DLG2: variants seen among roughly 807,000 people sequenced by gnomAD.
DLG2 encodes discs large MAGUK scaffold protein 2.
A neutral mutation model predicts 132.5 loss-of-function variants in DLG2; 45 were observed. The observed-to-expected ratio is 0.34, with a 90% confidence interval of 0.27 to 0.44. DLG2 has a LOEUF of 0.44. DLG2 is among the 20% of genes least tolerant of loss of function. The pLI, the probability that DLG2 is intolerant of heterozygous loss-of-function variation, is 1.00. For missense variants in DLG2, 1,045 were observed against 1,196.9 expected, an observed-to-expected ratio of 0.87 and a Z score of 1.87; for synonymous variants, 424 against 419.6, an observed-to-expected ratio of 1.01 and a Z score of -0.13.
chr11:85,452,053 A>G (rs1348867091), intron 3 of DLG2, among the ~76,000 whole-genome samples: 1 of 152,118 alleles, frequency 6.6e-6, no homozygotes, highest in Non-Finnish European at 1.5e-5. Context: ...TTAAAAGCAA[A>G]TCTTTACTCT....
At chr11:84,286,382 G>A (rs891681796) in intron 7 of DLG2, among the ~76,000 whole-genome samples, 1 of 152,146 alleles carries the variant, frequency 6.6e-6, no homozygotes, top group Admixed American at 6.5e-5. Flanking sequence ...GCTCTCCTGA[G>A]TAAATTTGCT....
chr11:85,527,955 G>A (rs2074905116), intron 3 of DLG2, among the ~76,000 whole-genome samples: 2 of 152,188 alleles, frequency 1.3e-5, no homozygotes, highest in East Asian at 1.9e-4. Context: ...CAGTGATGAT[G>A]AGCTTTTTTG....
At chr11:83,689,191 T>C (rs1463086840) in intron 18 of DLG2, among the ~76,000 whole-genome samples, 1 of 152,116 alleles carries the variant, frequency 6.6e-6, no homozygotes, top group Non-Finnish European at 1.5e-5. Context: ...TCATGAAGGC[T>C]TCTGGAAGGA....
chr11:84,427,070 TCATTTTATAAAAC>T (rs2098969106), intron 7 of DLG2, among the ~76,000 whole-genome samples: 1 of 152,122 alleles, frequency 6.6e-6, no homozygotes, highest in East Asian at 1.9e-4. Flanking sequence ...ACACACCTCC[TCATTTTATAAAAC>T]CAGGGTGACA....
chr11:84,550,536 C>A (rs372471994), intron 6 of DLG2, among the ~76,000 whole-genome samples: 14 of 152,186 alleles, frequency 9.2e-5, no homozygotes, highest in East Asian at 5.8e-4. Context: ...GACTTCAGAA[C>A]CTACCTGTGA....
chr11:83,489,357 T>C (rs1184880122), intron 21 of DLG2, among the ~76,000 whole-genome samples: 1 of 151,962 alleles, frequency 6.6e-6, no homozygotes, highest in Non-Finnish European at 1.5e-5. Context: ...TTCATCTATA[T>C]AAAATTGCAA....
chr11:84,947,321 T>C (rs1392217254), intron 6 of DLG2, among the ~76,000 whole-genome samples: 1 of 152,184 alleles, frequency 6.6e-6, no homozygotes, highest in African/African-American at 2.4e-5. Context: ...CACCACTGCC[T>C]CTTCCCAATA....
chr11:84,128,572 T>C (rs11825984), intron 9 of DLG2, among the ~76,000 whole-genome samples: 2,963 of 152,212 alleles, frequency 0.019, 73 homozygotes, highest in African/African-American at 0.066. Context: ...AATCTAACTG[T>C]TCTAATTTGC....
intron 18 of DLG2, among the ~76,000 whole-genome samples, chr11:83,744,051 G>A (rs537550898): frequency 5.3e-5 from 8 of 152,250 alleles, no homozygotes; most frequent in African/African-American, 1.7e-4. Context: ...TGCCCTAACT[G>A]GATGTGAAAG....
chr11:85,489,989 A>G (rs1159359374), intron 3 of DLG2, among the ~76,000 whole-genome samples: 1 of 152,272 alleles, frequency 6.6e-6, no homozygotes, highest in East Asian at 1.9e-4. Flanking sequence ...GGAGTTCAAG[A>G]CTACCTTGGA....
intron 3 of DLG2, among the ~76,000 whole-genome samples, chr11:85,325,283 G>A (rs1282151392): frequency 3.9e-5 from 6 of 152,352 alleles, no homozygotes; most frequent in East Asian, 1.9e-4. Flanking sequence ...GCTCAAGGAG[G>A]CCTGTCTGCC....
At chr11:83,829,684 A>G (rs900976018) in intron 17 of DLG2, among the ~76,000 whole-genome samples, 10 of 152,068 alleles carry the variant, frequency 6.6e-5, no homozygotes, top group African/African-American at 1.9e-4. Flanking sequence ...TTTTCTCTCA[A>G]TGTTAAGCAA....
chr11:84,178,200 A>C (rs1449483994), intron 8 of DLG2, among the ~76,000 whole-genome samples: 1 of 152,162 alleles, frequency 6.6e-6, no homozygotes, highest in East Asian at 1.9e-4. Context: ...GAATGTGGGA[A>C]AATCCCATGC....
chr11:84,150,464 T>G (rs2095258363), intron 9 of DLG2, among the ~76,000 whole-genome samples: 1 of 152,196 alleles, frequency 6.6e-6, no homozygotes, highest in African/African-American at 2.4e-5. Flanking sequence ...TCTAGGAGCT[T>G]TTTGGTGGAG....
intron 7 of DLG2, among the ~76,000 whole-genome samples, chr11:84,254,850 A>G (rs2097440685): frequency 6.6e-6 from 1 of 152,186 alleles, no homozygotes; most frequent in Non-Finnish European, 1.5e-5. Context: ...AGCCACTGCT[A>G]ACACCTACCT....
chr11:85,013,612 A>T (rs1357209592), intron 6 of DLG2, among the ~76,000 whole-genome samples: 1 of 152,206 alleles, frequency 6.6e-6, no homozygotes, highest in East Asian at 1.9e-4. Context: ...TAAATAATAA[A>T]TAACAGGCAC....
intron 6 of DLG2, among the ~76,000 whole-genome samples, chr11:85,109,834 C>G (rs2072419256): frequency 2.0e-5 from 3 of 152,026 alleles, no homozygotes. Flanking sequence ...CTATGGTATT[C>G]TCTTAGGAGA....
At chr11:84,539,558 G>T (rs922814603) in intron 6 of DLG2, among the ~76,000 whole-genome samples, 1 of 152,174 alleles carries the variant, frequency 6.6e-6, no homozygotes, top group Non-Finnish European at 1.5e-5. Context: ...TTGGTCTGTT[G>T]AAGGGGACTT....
intron 7 of DLG2, among the ~76,000 whole-genome samples, chr11:84,472,708 T>C (rs141473396): frequency 1.2e-4 from 19 of 152,024 alleles, no homozygotes; most frequent in Admixed American, 5.3e-4. Flanking sequence ...AAAAACTAGG[T>C]GTTGACAACA....
Sources: gnomAD v4.1 joint callset for allele counts (sites outside exome capture counted in the v4.1 genomes callset) on GRCh38, gnomAD v4.1.1 for gene constraint, MANE v1.5 for transcripts, NCBI Gene and HGNC (gene_info 2026-07-23, HGNC 2026-07-21) for gene names.